KAZN: variants seen among roughly 807,000 people sequenced by gnomAD.
KAZN encodes the protein kazrin.
A neutral mutation model predicts 87.4 loss-of-function variants in KAZN; 40 were observed. The ratio of observed to expected loss-of-function variants is 0.46; its 90% CI spans 0.36 to 0.60. The LOEUF (loss-of-function observed/expected upper bound fraction) is 0.60, where lower values mean the gene tolerates loss of function less well. KAZN is among the 20% of genes least tolerant of loss of function. The probability of loss-of-function intolerance (pLI) is 0.00; values close to 1 mark genes in which losing one functional copy is unlikely to be tolerated. For missense variants in KAZN, 898 were observed against 1,073.9 expected, an observed-to-expected ratio of 0.84 and a Z score of 2.29; for synonymous variants, 466 against 458.3, an observed-to-expected ratio of 1.02 and a Z score of -0.22.
intron 1 of KAZN, among the ~76,000 whole-genome samples, chr1:14,627,371 T>C (rs1679221699): frequency 6.6e-6 from 1 of 151,788 alleles, no homozygotes; most frequent in Non-Finnish European, 1.5e-5. Flanking sequence ...AGGAGGTCAA[T>C]AAGAGATGAG....
chr1:14,773,219 A>G lies in KAZN; in HGVS notation c.226+173996A>G, dbSNP rs944902553. ...TATCTTCAGGACAAAGACGGCCCCA[A>G]CACTTCCGGAAGAGATCTGATACTG... On this transcript the variant is annotated intron_variant, in intron 1 of 14. Transcript: ENST00000376030. This position sits in a 1 kb window ranked among gnomAD's most constrained non-coding sequence, Gnocchi z 5.9. Among the ~76,000 whole-genome samples the G allele has an allele frequency of 1.3e-5, 2 of 152,096 alleles. No individual in the cohort carries two copies. The highest frequency in any genetic ancestry group is 4.1e-4 in the South Asian group (2 of 4,828).
intron 3 of KAZN, among the ~76,000 whole-genome samples, chr1:15,039,261 G>C (rs1557742503): frequency 1.3e-5 from 2 of 152,144 alleles, no homozygotes; most frequent in Admixed American, 1.3e-4. Flanking sequence ...TGAGACTTAG[G>C]TAAAGTCTCA....
At position 14,773,103 on chromosome 1, in the gene KAZN, A is replaced by T. The variant is rs1376172461; in HGVS notation, c.226+173880A>T. ...GACCCTAGTCCCCCACAAAGGTAGCATCTGGTGGAGAGAAAAGGTTGCCCT... is the reference window on the plus strand; with the variant it reads ...GACCCTAGTCCCCCACAAAGGTAGCTTCTGGTGGAGAGAAAAGGTTGCCCT... On this transcript the variant is annotated intron_variant, in intron 1 of 14. Coordinates refer to ENST00000376030, the MANE Select transcript of KAZN (RefSeq NM_201628.3). This position sits in a 1 kb window ranked among gnomAD's most constrained non-coding sequence, Gnocchi z 5.9. Among the ~76,000 whole-genome samples the T allele has an allele frequency of 6.6e-6, 1 of 152,168 alleles. No homozygotes were observed. The highest frequency in any genetic ancestry group is 1.5e-5 in the Non-Finnish European group (1 of 68,022).
chr1:15,092,052 G>GTTT lies in KAZN; in HGVS notation c.1223-2123_1223-2121dup, dbSNP rs1182724737. The stretch of plus-strand genomic sequence containing the variant: ...AGGGTCATTTCTAATCAGAGGTTTT[G>GTTT]TTTTTTTGTTTTTTTTTTTGATTTT... On this transcript the variant is annotated intron_variant, in intron 8 of 14. Coordinates refer to ENST00000376030, the MANE Select transcript of KAZN (RefSeq NM_201628.3). 3.8e-4 allele frequency among the ~76,000 whole-genome samples: 31 copies of GTTT among 82,630 alleles called. 1 individual carries two copies. The highest frequency in any genetic ancestry group is 1.6e-3 in the African/African-American group (29 of 18,526). 54.2% of individuals were successfully genotyped at this position (82,630 alleles called of 152,430 possible). A position where few individuals can be genotyped will look rare whatever the true frequency, so the allele number is the denominator to read the frequency against.
chr1:14,922,019 A>T (rs1451128841), intron 1 of KAZN, among the ~76,000 whole-genome samples: 2 of 152,062 alleles, frequency 1.3e-5, no homozygotes, highest in East Asian at 3.9e-4. Context: ...GCCAGGTGCT[A>T]TTTTTTTCTT....
intron 2 of KAZN, among the ~76,000 whole-genome samples, chr1:14,382,702 T>C (rs1301569021): frequency 1.9e-3 from 274 of 147,548 alleles, no homozygotes; most frequent in African/African-American, 6.1e-3. Context: ...CCACATTTTC[T>C]TAATCCAGTC....
At chr1:14,888,561 TATTA>T (rs935215213) in intron 1 of KAZN, among the ~76,000 whole-genome samples, 4 of 151,862 alleles carry the variant, frequency 2.6e-5, no homozygotes, top group African/African-American at 9.7e-5. Flanking sequence ...TTTGCGTGAC[TATTA>T]ATTAATTCAC....
At chr1:14,528,253 G>C (rs1379575037) in intron 2 of KAZN, among the ~76,000 whole-genome samples, 1 of 135,644 alleles carries the variant, frequency 7.4e-6, no homozygotes, top group Non-Finnish European at 1.5e-5. Flanking sequence ...CAGGAGAATC[G>C]CTTGAATCTG....
chr1:13,939,990 C>T (rs558058379), intron 1 of KAZN, among the ~76,000 whole-genome samples: 3 of 152,236 alleles, frequency 2.0e-5, no homozygotes, highest in Admixed American at 1.3e-4. Flanking sequence ...ATGATCTAAT[C>T]GCCTCCCACC....
At chr1:14,648,833 G>A (rs1681004508) in intron 1 of KAZN, among the ~76,000 whole-genome samples, 2 of 152,186 alleles carry the variant, frequency 1.3e-5, no homozygotes, top group Non-Finnish European at 2.9e-5. Flanking sequence ...CCTCCCCTGG[G>A]TGAGCTGCAA....
chr1:14,924,504 CG>C (rs1658928274), intron 1 of KAZN: 1 of 998,802 alleles, frequency 1.0e-6, no homozygotes, highest in Non-Finnish European at 1.2e-6. Flanking sequence ...GTGGACGCGG[CG>C]GGGCCCGGCG....
intron 1 of KAZN, among the ~76,000 whole-genome samples, chr1:14,747,061 G>A (rs1481755376): frequency 6.6e-6 from 1 of 152,034 alleles, no homozygotes; most frequent in African/African-American, 2.4e-5. Context: ...CCTATTCTAA[G>A]TACCCCGTAT....
At chr1:14,762,486 G>T (rs1644766359) in intron 1 of KAZN, among the ~76,000 whole-genome samples, 1 of 53,680 alleles carries the variant, frequency 1.9e-5, no homozygotes, top group African/African-American at 5.3e-5. Context: ...AGCACTTTGG[G>T]AGGCCGAGGT....
At chr1:14,257,492 AT>A (rs1650611525) in intron 2 of KAZN, among the ~76,000 whole-genome samples, 1 of 145,492 alleles carries the variant, frequency 6.9e-6, no homozygotes, top group African/African-American at 2.6e-5. Flanking sequence ...CCATTTGTCA[AT>A]TTTGTCTTTT....
intron 2 of KAZN, among the ~76,000 whole-genome samples, chr1:14,440,605 T>A (rs544510331): frequency 6.6e-6 from 1 of 152,318 alleles, no homozygotes; most frequent in African/African-American, 2.4e-5. Context: ...AAGTCATGCT[T>A]AGAACTGGCT....
intron 1 of KAZN, among the ~76,000 whole-genome samples, chr1:14,744,864 T>A (rs1338880952): frequency 6.6e-6 from 1 of 152,012 alleles, no homozygotes; most frequent in Non-Finnish European, 1.5e-5. Context: ...AAGAGGAATA[T>A]CACCAGCACC....
chr1:14,734,161 G>A (rs935134118), intron 1 of KAZN, among the ~76,000 whole-genome samples: 4 of 152,132 alleles, frequency 2.6e-5, no homozygotes, highest in African/African-American at 4.8e-5. Flanking sequence ...CTCCTCACCC[G>A]TGGAATGAGG....
intron 6 of KAZN, chr1:15,063,317 A>G (rs1049389865): frequency 2.3e-5 from 12 of 529,940 alleles, no homozygotes; most frequent in Non-Finnish European, 3.7e-5. Flanking sequence ...TGTTGGTCAG[A>G]AGATGCTGGG....
At chr1:14,109,820 A>AGGCTGGAGTGCAGTGGCATGATCTTG in intron 1 of KAZN, among the ~76,000 whole-genome samples, 1 of 82,754 alleles carries the variant, frequency 1.2e-5, no homozygotes, top group African/African-American at 5.2e-5. Context: ...AAACGATTTC[A>AGGCTGGAGTGCAGTGGCATGATCTTG]GCGTCAAGTA....
Sources: gnomAD v4.1 joint callset for allele counts (sites outside exome capture counted in the v4.1 genomes callset) on GRCh38, gnomAD v4.1.1 for gene constraint, Gnocchi (gnomAD v3.1) non-coding constraint, MANE v1.5 for transcripts, NCBI Gene and HGNC (gene_info 2026-07-23, HGNC 2026-07-21) for gene names.